Variants in TNR observed in about 807,000 individuals in gnomAD.
TNR encodes the protein tenascin R, also known as tenascin-R.
Under a neutral mutation model 150.4 loss-of-function variants are expected in TNR, and 45 were observed. That is an observed-to-expected ratio of 0.30 (90% CI 0.24 to 0.38). TNR has a LOEUF of 0.38. Among genes scored for constraint, TNR ranks in the 10% least tolerant of loss-of-function variants. The pLI, the probability that TNR is intolerant of heterozygous loss-of-function variation, is 1.00. For missense variants in TNR, 1,544 were observed against 1,759.1 expected (o/e 0.88, Z 2.19); for synonymous variants, 687 against 678.4 (o/e 1.01, Z -0.20).
chr1:175,726,168 G>A (rs1390769014), intron 1 of TNR, among the ~76,000 whole-genome samples: 1 of 152,138 alleles, frequency 6.6e-6, no homozygotes, highest in East Asian at 1.9e-4. Context: ...TAAAGTACCA[G>A]TCCTCAAGAA....
intron 1 of TNR, among the ~76,000 whole-genome samples, chr1:175,593,643 TA>T (rs970665576): frequency 2.6e-5 from 4 of 152,158 alleles, no homozygotes; most frequent in Non-Finnish European, 5.9e-5. Context: ...CCAAAATCAA[TA>T]AAATTGTATT....
intron 1 of TNR, among the ~76,000 whole-genome samples, chr1:175,674,950 G>C (rs1177392283): frequency 6.6e-6 from 1 of 152,130 alleles, no homozygotes; most frequent in Non-Finnish European, 1.5e-5. Context: ...CTAATTTAGT[G>C]GGAGTGCAGA....
Position 175,386,305 on chromosome 1 carries a change from A to C in TNR, c.1508-4T>G. ...ATCTGCGTGGGGCCGTCAATGACTGAGTGAGAAGGATCAAACAGAACAAAA... is the reference window on the plus strand; with the variant it reads ...ATCTGCGTGGGGCCGTCAATGACTGCGTGAGAAGGATCAAACAGAACAAAA... On this transcript the variant is annotated splice_region_variant and splice_polypyrimidine_tract_variant and intron_variant, in intron 7 of 22. Transcript: ENST00000367674. 1 of 1,542,440 alleles carries C rather than the reference A, an allele frequency of 6.5e-7. No homozygotes were observed. The highest frequency in any genetic ancestry group is 8.8e-7 in the Non-Finnish European group (1 of 1,140,398).
chr1:175,524,447 G>T (rs1659773236), intron 2 of TNR, among the ~76,000 whole-genome samples: 1 of 151,928 alleles, frequency 6.6e-6, no homozygotes, highest in South Asian at 2.1e-4. Flanking sequence ...TGGAGACCAA[G>T]TATTGTTTAC....
intron 1 of TNR, among the ~76,000 whole-genome samples, chr1:175,716,527 C>A (rs191479721): frequency 1.6e-4 from 24 of 152,258 alleles, no homozygotes; most frequent in African/African-American, 5.1e-4. Context: ...TTTCTGTTCC[C>A]ATTTTCACCT....
intron 9 of TNR, among the ~76,000 whole-genome samples, chr1:175,377,060 C>T (rs182153339): frequency 7.2e-5 from 11 of 152,152 alleles, no homozygotes; most frequent in African/African-American, 2.4e-4. Context: ...GACTGGGACT[C>T]GAAAGGACTG....
intron 1 of TNR, among the ~76,000 whole-genome samples, chr1:175,533,846 C>T (rs1660166622): frequency 6.6e-6 from 1 of 152,076 alleles, no homozygotes; most frequent in Non-Finnish European, 1.5e-5. Flanking sequence ...TGATCTTTAA[C>T]TAGGCATAGA....
intron 2 of TNR, among the ~76,000 whole-genome samples, chr1:175,518,632 C>G (rs1659507683): frequency 6.6e-6 from 1 of 152,132 alleles, no homozygotes; most frequent in Non-Finnish European, 1.5e-5. Flanking sequence ...ATCACACAGT[C>G]CCTCTTGCTG....
chr1:175,492,131 A>G (rs891775374), intron 2 of TNR, among the ~76,000 whole-genome samples: 3 of 152,184 alleles, frequency 2.0e-5, no homozygotes, highest in African/African-American at 7.2e-5. Context: ...CAATGAACAA[A>G]CAGATTTCAT....
intron 2 of TNR, among the ~76,000 whole-genome samples, chr1:175,465,989 C>A (rs1657017610): frequency 6.6e-6 from 1 of 152,204 alleles, no homozygotes; most frequent in African/African-American, 2.4e-5. Context: ...CCTGGCTCTG[C>A]AACCTTGACC....
At chr1:175,475,939 A>G (rs1657528525) in intron 2 of TNR, among the ~76,000 whole-genome samples, 6 of 152,232 alleles carry the variant, frequency 3.9e-5, no homozygotes, top group Admixed American at 3.9e-4. Context: ...TAATGAAATG[A>G]TATTTTAAGG....
chr1:175,406,065 C>G (rs1362142552), intron 3 of TNR, 151 bp downstream of exon 3: 1 of 1,049,442 alleles, frequency 9.5e-7, no homozygotes. Context: ...GACTAGGACA[C>G]TTTTTTCCTT....
chr1:175,728,698 A>C (rs955839166), intron 1 of TNR, among the ~76,000 whole-genome samples: 2 of 152,240 alleles, frequency 1.3e-5, no homozygotes, highest in African/African-American at 4.8e-5. Flanking sequence ...GTAGGACAGC[A>C]ACTGGCTGCA....
intron 2 of TNR, among the ~76,000 whole-genome samples, chr1:175,458,315 C>A (rs866036424): frequency 6.6e-6 from 1 of 152,152 alleles, no homozygotes; most frequent in Non-Finnish European, 1.5e-5. Context: ...CATAGATTTA[C>A]TCATCAATCC....
intron 2 of TNR, among the ~76,000 whole-genome samples, chr1:175,512,353 C>T (rs1054127321): frequency 1.3e-5 from 2 of 152,214 alleles, no homozygotes; most frequent in African/African-American, 4.8e-5. Flanking sequence ...CTTTATCAGA[C>T]ACTCAAAGTC....
At chr1:175,503,919 A>T (rs1442465572) in intron 2 of TNR, among the ~76,000 whole-genome samples, 1 of 152,116 alleles carries the variant, frequency 6.6e-6, no homozygotes, top group Non-Finnish European at 1.5e-5. Context: ...GCCCGCATGG[A>T]ATGCTCTTCT....
At position 175,365,071 on chromosome 1, in the gene TNR, C is replaced by G. The variant is rs1361037847; in HGVS notation, c.2526G>C (p.Val842=). The change falls in exon 12 of 23, where the codon GTG becomes GTC. Residue 842 remains valine, a synonymous_variant. Transcript: ENST00000367674. ...MGLQPATEYI[V]NLVAVHGTVT... is the part of the protein sequence containing the mutation. ...CTGTGCCATGGACAGCCACAAGGTTCACAATATACTCTGTGGCTGGTTGCA... is the reference window on the plus strand; with the variant it reads ...CTGTGCCATGGACAGCCACAAGGTTGACAATATACTCTGTGGCTGGTTGCA... 1.9e-6 allele frequency: 3 copies of G among 1,614,102 alleles called. No individual in the cohort carries two copies. Among genetic ancestry groups the G allele is most frequent in the Non-Finnish European group, 2.5e-6 (3 of 1,179,990 alleles).
intron 1 of TNR, among the ~76,000 whole-genome samples, chr1:175,738,732 C>A (rs1389067963): frequency 6.6e-6 from 1 of 152,208 alleles, no homozygotes; most frequent in Non-Finnish European, 1.5e-5. Flanking sequence ...TCAAAATTTA[C>A]CAATACAGTC....
chr1:175,713,577 A>G lies in TNR; in HGVS notation c.-165+29649T>C, dbSNP rs147262239. ...AATGGGTAATTGTGTTTCAACATGA[A>G]TTATGCTAAAACGCTTCTCATTGCC... On this transcript the variant is annotated intron_variant, in intron 1 of 22. Transcript: ENST00000367674. 4.1e-3 allele frequency among the ~76,000 whole-genome samples: 620 copies of G among 152,300 alleles called. 3 individuals are homozygous for G. The highest frequency in any genetic ancestry group is 0.014 in the African/African-American group (589 of 41,574).
Sources: allele counts gnomAD v4.1 joint callset (sites outside exome capture counted in the v4.1 genomes callset), GRCh38; gene constraint gnomAD v4.1.1; transcripts MANE v1.5; gene names NCBI Gene and HGNC (gene_info 2026-07-23, HGNC 2026-07-21).